Variants in ANO10 observed in about 807,000 individuals in gnomAD.
ANO10 encodes the protein anoctamin 10.
In ANO10, 77 loss-of-function variants were observed where a neutral mutation model predicts 74.7. The observed-to-expected ratio is 1.03, with a 90% CI of 0.86 to 1.25. ANO10 has a LOEUF of 1.25. ANO10 is among the 50% of genes most tolerant of loss of function. The probability of loss-of-function intolerance (pLI) is 0.00; values close to 1 mark genes in which losing one functional copy is unlikely to be tolerated. For synonymous variants in ANO10, 279 were observed against 284.9 expected (o/e 0.98, Z 0.21); for missense variants, 721 against 778.1 (o/e 0.93, Z 0.87).
intron 12 of ANO10, among the ~76,000 whole-genome samples, chr3:43,404,876 CAA>C (rs3048939): frequency 0.053 from 4,346 of 81,302 alleles, 47 homozygotes; most frequent in Non-Finnish European, 0.079. Context: ...GAACCTGTCT[CAA>C]AAAAAAAAAA....
chr3:43,410,939 G>A (rs1185013350), intron 12 of ANO10, among the ~76,000 whole-genome samples: 2 of 151,742 alleles, frequency 1.3e-5, no homozygotes, highest in Non-Finnish European at 2.9e-5. Context: ...CTGAATAAAC[G>A]ACTGCAGTTC....
rs138026462 is a variant in ANO10 at position 43,554,391 on chromosome 3, C to T, written c.1668+887G>A. The stretch of plus-strand genomic sequence containing the variant: ...TATTTTTAGTAGAGATGGGGTTTCA[C>T]CATGTTGGCCAGGCTGGTCTCGAAC... On this transcript the variant is annotated intron_variant, in intron 10 of 12. Coordinates refer to ENST00000292246, the MANE Select transcript of ANO10 (RefSeq NM_018075.5). Among the ~76,000 whole-genome samples, 1,239 of 152,052 alleles carry T rather than the reference C, an allele frequency of 8.1e-3. 25 individuals carry two copies. The highest frequency in any genetic ancestry group is 8.8e-3 in the Non-Finnish European group (598 of 67,956).
intron 4 of ANO10, among the ~76,000 whole-genome samples, chr3:43,591,784 C>T (rs1007819434): frequency 1.4e-4 from 22 of 152,146 alleles, no homozygotes; most frequent in African/African-American, 5.1e-4. Context: ...CGGACAGAGC[C>T]GAAGCAGGGC....
intron 1 of ANO10, among the ~76,000 whole-genome samples, chr3:43,676,558 T>C (rs1477770715): frequency 6.6e-6 from 1 of 152,164 alleles, no homozygotes; most frequent in Admixed American, 6.6e-5. Flanking sequence ...GTTGTTGGGT[T>C]GTATGTGCAG....
At chr3:43,603,417 G>A (rs1175057197) in intron 2 of ANO10, among the ~76,000 whole-genome samples, 1 of 151,448 alleles carries the variant, frequency 6.6e-6, no homozygotes, top group Non-Finnish European at 1.5e-5. Flanking sequence ...TTTCTTGGAG[G>A]CTTGTCTCAA....
chr3:43,664,771 G>GA lies in ANO10; in HGVS notation c.-12+26745dup, dbSNP rs200739119. Among the ~76,000 whole-genome samples the GA allele has an allele frequency of 8.5e-3, 1,299 of 152,240 alleles. 22 individuals carry two copies. Among genetic ancestry groups the GA allele is most frequent in the African/African-American group, 0.03 (1,233 of 41,534 alleles). On this transcript the variant is annotated intron_variant, in intron 1 of 3. Transcript: ENST00000413397. ...ATATTTATGCAGACAACAGACATAT[G>GA]AAAAAATGCTAATCATCAATGGTCA...
At chr3:43,525,954 T>G in intron 11 of ANO10, among the ~76,000 whole-genome samples, 1 of 152,206 alleles carries the variant, frequency 6.6e-6, no homozygotes, top group Non-Finnish European at 1.5e-5. Flanking sequence ...CACTTTGGAT[T>G]TATTTAGTTG....
At chr3:43,578,119 GA>G in intron 5 of ANO10, among the ~76,000 whole-genome samples, 1 of 152,258 alleles carries the variant, frequency 6.6e-6, no homozygotes, top group South Asian at 2.1e-4. Context: ...AAGATAATTT[GA>G]GCAGTCTACA....
intron 11 of ANO10, among the ~76,000 whole-genome samples, chr3:43,454,603 AG>A (rs1344802785): frequency 2.6e-5 from 4 of 152,186 alleles, no homozygotes; most frequent in African/African-American, 9.6e-5. Context: ...AAGAGTGGTC[AG>A]AAAGGCAGGA....
chr3:43,416,361 C>G (rs2092739030), intron 12 of ANO10, among the ~76,000 whole-genome samples: 1 of 152,098 alleles, frequency 6.6e-6, no homozygotes, highest in African/African-American at 2.4e-5. Context: ...TTAGTTATAC[C>G]TCTTGATAAC....
At chr3:43,669,883 G>A (rs904046808) in intron 1 of ANO10, among the ~76,000 whole-genome samples, 48 of 151,970 alleles carry the variant, frequency 3.2e-4, no homozygotes, top group East Asian at 7.8e-4. Context: ...CCGCCACCAC[G>A]CCTGGCTAAT....
intron 7 of ANO10, among the ~76,000 whole-genome samples, chr3:43,573,921 A>C (rs112571245): frequency 6.6e-6 from 1 of 152,182 alleles, no homozygotes; most frequent in Non-Finnish European, 1.5e-5. Flanking sequence ...GAATAGAAAC[A>C]TATCTAAAAA....
intron 1 of ANO10, among the ~76,000 whole-genome samples, chr3:43,688,852 A>G (rs2084310527): frequency 6.6e-6 from 1 of 152,106 alleles, no homozygotes; most frequent in Non-Finnish European, 1.5e-5. Context: ...TTAGAAAAAA[A>G]AAAAAAAAGA....
At chr3:43,463,980 G>A (rs548268557) in intron 11 of ANO10, among the ~76,000 whole-genome samples, 1 of 152,246 alleles carries the variant, frequency 6.6e-6, no homozygotes, top group Admixed American at 6.5e-5. Context: ...GTCTCATGAG[G>A]AGTTCCACGG....
At chr3:43,386,648 CGTGTGTGTGTGTGTGT>C (rs36065814) in intron 12 of ANO10, among the ~76,000 whole-genome samples, 12 of 139,996 alleles carry the variant, frequency 8.6e-5, no homozygotes, top group Non-Finnish European at 1.2e-4. Context: ...TAGGTGTGTA[CGTGTGTGTGTGTGTGT>C]GTGTGTGTGT....
intron 12 of ANO10, among the ~76,000 whole-genome samples, chr3:43,376,980 TC>T (rs1161020409): frequency 2.6e-5 from 4 of 152,230 alleles, no homozygotes; most frequent in Non-Finnish European, 5.9e-5. Context: ...TAGGACATTG[TC>T]CCAATTGTTC....
chr3:43,448,751 G>C (rs2093285596), intron 11 of ANO10, among the ~76,000 whole-genome samples: 1 of 152,140 alleles, frequency 6.6e-6, no homozygotes, highest in Non-Finnish European at 1.5e-5. Context: ...AGTATGCTTA[G>C]TTTTCTAAGA....
intron 11 of ANO10, among the ~76,000 whole-genome samples, chr3:43,477,923 G>A (rs1369576717): frequency 6.6e-6 from 1 of 152,202 alleles, no homozygotes; most frequent in Non-Finnish European, 1.5e-5. Context: ...AGGGAGTGAG[G>A]GAGGAATGTT....
chr3:43,552,764 ATG>A (rs2079544846), intron 10 of ANO10, among the ~76,000 whole-genome samples: 1 of 146,786 alleles, frequency 6.8e-6, no homozygotes, highest in Non-Finnish European at 1.5e-5. Context: ...GTATGTATGT[ATG>A]TATATGTGTG....
Sources: gnomAD v4.1 joint callset for allele counts (sites outside exome capture counted in the v4.1 genomes callset) on GRCh38, gnomAD v4.1.1 for gene constraint, MANE v1.5 for transcripts, NCBI Gene and HGNC (gene_info 2026-07-23, HGNC 2026-07-21) for gene names.